AGO4: variants seen among roughly 807,000 people sequenced by gnomAD.
AGO4 encodes the protein argonaute RISC component 4.
In AGO4, 33 loss-of-function variants were observed where a neutral mutation model predicts 104.7. The ratio of observed to expected loss-of-function variants is 0.32; its 90% CI spans 0.24 to 0.42. AGO4 has a LOEUF of 0.42. Among genes scored for constraint, AGO4 ranks in the 10% least tolerant of loss-of-function variants. The pLI, the probability that AGO4 is intolerant of heterozygous loss-of-function variation, is 1.00. For missense variants in AGO4, 711 were observed against 1,083.4 expected (o/e 0.66, Z 4.83); for synonymous variants, 331 against 364.7 (o/e 0.91, Z 1.05).
In AGO4 at chr1:35,831,424, T is replaced by C; in HGVS notation, c.849-3T>C. The C allele has an allele frequency of 6.2e-7, 1 of 1,600,072 alleles. No homozygotes were observed. The highest frequency in any genetic ancestry group is 8.5e-7 in the Non-Finnish European group (1 of 1,176,436). On this transcript the variant is annotated splice_polypyrimidine_tract_variant and splice_region_variant and intron_variant, in intron 7 of 17. Coordinates refer to ENST00000373210, the MANE Select transcript of AGO4 (RefSeq NM_017629.4). ...ATTCTAAAAAAGACATTCTCTCCTA[T>C]AGTTTTCCTTTGCAGCTAGAAAACG...
At chr1:35,825,561 A>G in intron 4 of AGO4, 67 bp downstream of exon 4, 1 of 1,553,874 alleles carries the variant, frequency 6.4e-7, no homozygotes, top group Non-Finnish European at 8.7e-7. Context: ...TACTGGAGCC[A>G]TTGAAAAATT....
chr1:35,847,080 C>T (rs2148684766), intron 15 of AGO4, among the ~76,000 whole-genome samples: 1 of 150,122 alleles, frequency 6.7e-6, no homozygotes, highest in Admixed American at 6.6e-5. Context: ...TGTTTTAAAA[C>T]AGGGGTGTCC....
chr1:35,808,550 G>A lies in AGO4; in HGVS notation c.19+115G>A. 1 of 952,354 alleles carries A rather than the reference G, an allele frequency of 1.1e-6. No homozygotes were observed. The highest frequency in any genetic ancestry group is 1.3e-6 in the Non-Finnish European group (1 of 765,724). The allele number at this position is 952,354 out of a possible 1,614,324, so 59.0% of individuals were successfully genotyped here. On this transcript the variant is annotated intron_variant, in intron 1 of 17. Transcript: ENST00000373210. This position sits in a 1 kb window ranked among gnomAD's most constrained non-coding sequence, Gnocchi z 5.2. Reference sequence around the variant, plus strand: ...GTTCGGGCCGCCAGGCCTCGGGGAAGGGGACCCGAGCCCCGCAGCACGAAG... The same window carrying A: ...GTTCGGGCCGCCAGGCCTCGGGGAAAGGGACCCGAGCCCCGCAGCACGAAG...
chr1:35,848,249 G>A (rs1644619549), intron 15 of AGO4, among the ~76,000 whole-genome samples: 2 of 152,162 alleles, frequency 1.3e-5, no homozygotes, highest in Admixed American at 6.5e-5. Flanking sequence ...TTTATTGTGA[G>A]TGGTATTTCA....
At chr1:35,831,206 A>T (rs1024018593) in intron 7 of AGO4, among the ~76,000 whole-genome samples, 1 of 152,028 alleles carries the variant, frequency 6.6e-6, no homozygotes, top group East Asian at 1.9e-4. Flanking sequence ...TACTAAAAAT[A>T]CAAAAATTAG....
At chr1:35,842,450 C>G (rs1488364296) in intron 15 of AGO4, among the ~76,000 whole-genome samples, 1 of 152,206 alleles carries the variant, frequency 6.6e-6, no homozygotes, top group Non-Finnish European at 1.5e-5. Context: ...GCACTTAAAC[C>G]ACAGTCAAAT....
At chr1:35,815,338 C>G (rs988335840) in intron 1 of AGO4, among the ~76,000 whole-genome samples, 3 of 152,132 alleles carry the variant, frequency 2.0e-5, no homozygotes, top group Non-Finnish European at 4.4e-5. Context: ...TTTTTTAGGC[C>G]AGTATCCACT....
At chr1:35,853,055 C>T (rs1644740488) in intron 17 of AGO4, among the ~76,000 whole-genome samples, 1 of 152,044 alleles carries the variant, frequency 6.6e-6, no homozygotes, top group Admixed American at 6.5e-5. Flanking sequence ...TCGAGACCAT[C>T]CTGGCTAACA....
chr1:35,845,048 A>G (rs1399132564), intron 15 of AGO4, among the ~76,000 whole-genome samples: 1 of 151,572 alleles, frequency 6.6e-6, no homozygotes, highest in Non-Finnish European at 1.5e-5. Context: ...ACTTAAGACA[A>G]TGATTGCCTT....
At position 35,841,334 on chromosome 1, in the gene AGO4, C is replaced by T. The variant is rs769010091; in HGVS notation, c.1894C>T (p.Gln632Ter). The T allele has an allele frequency of 1.2e-6, 2 of 1,614,164 alleles. No homozygotes were observed. Among genetic ancestry groups the T allele is most frequent in the Non-Finnish European group, 8.5e-7 (1 of 1,180,028 alleles). ...GCAGACTTCCCGGCAGGAGATCTCC[C>T]AAGAGCTCCTCTACAGTCAAGAGGT... ...RVQTSRQEIS[Q>*]ELLYSQEVIQ... Residue 632 changes from glutamine to a stop codon, truncating the protein, a stop_gained, in exon 14 of 18, where the codon CAA (glutamine) becomes TAA (stop). Transcript: ENST00000373210. LOFTEE classifies it high-confidence loss of function. This position sits in a 1 kb window ranked among gnomAD's most constrained non-coding sequence, Gnocchi z 4.7.
chr1:35,816,659 C>G (rs1237608802), intron 1 of AGO4, among the ~76,000 whole-genome samples: 1 of 151,876 alleles, frequency 6.6e-6, no homozygotes, highest in Admixed American at 6.6e-5. Flanking sequence ...ATTAGCCAGG[C>G]CTGGTGGCAG....
At position 35,831,940 on chromosome 1, in the gene AGO4, G is replaced by T; in HGVS notation, c.1116+9G>T. On this transcript the variant is annotated intron_variant, in intron 9 of 17. Coordinates refer to ENST00000373210, the MANE Select transcript of AGO4 (RefSeq NM_017629.4). Reference sequence around the variant, plus strand: ...AAGAGATCAGTAGACTGGTCAGTAAGGCATGGTCTTCAAGATGAGCTAGCT... The same window carrying T: ...AAGAGATCAGTAGACTGGTCAGTAATGCATGGTCTTCAAGATGAGCTAGCT... 1 of 1,612,990 alleles carries T rather than the reference G, an allele frequency of 6.2e-7. No homozygotes were observed. The highest frequency in any genetic ancestry group is 1.1e-5 in the South Asian group (1 of 90,808).
rs1027005412 is a variant in AGO4, at chr1:35,838,209, T to C, written c.1724+2216T>C. On this transcript the variant is annotated intron_variant, in intron 13 of 17. Transcript: ENST00000373210. ...CTGGAATTACAGGCTCATGCCACCA[T>C]ACTCGGCTAATTTTTGTATTTTTAG... is the stretch of plus-strand genomic sequence containing the variant. Among the ~76,000 whole-genome samples, 124 of 152,222 alleles carry C rather than the reference T, an allele frequency of 8.1e-4. 1 individual carries two copies. Among genetic ancestry groups the C allele is most frequent in the African/African-American group, 2.9e-3 (122 of 41,534 alleles).
At chr1:35,821,063 T>G (rs1460636317) in intron 2 of AGO4, among the ~76,000 whole-genome samples, 2 of 152,216 alleles carry the variant, frequency 1.3e-5, no homozygotes, top group Non-Finnish European at 2.9e-5. Flanking sequence ...TGAATTTTTC[T>G]TTTTTCTTTT....
chr1:35,833,009 A>G (rs550009027), intron 11 of AGO4, among the ~76,000 whole-genome samples: 1 of 152,308 alleles, frequency 6.6e-6, no homozygotes, highest in African/African-American at 2.4e-5. Context: ...GGCCAGGCTC[A>G]GTGGCTCACA....
At chr1:35,850,708 G>A (rs554474524) in intron 16 of AGO4, 146 bp from the exon 17 acceptor site, 14 of 671,110 alleles carry the variant, frequency 2.1e-5, no homozygotes, top group East Asian at 1.4e-4. Context: ...TTGAAGTCCA[G>A]AGGCGGGGGT....
chr1:35,849,181 T>G (rs1214550085), intron 15 of AGO4, among the ~76,000 whole-genome samples: 1 of 152,168 alleles, frequency 6.6e-6, no homozygotes, highest in Non-Finnish European at 1.5e-5. Context: ...AAATTTTGTC[T>G]GTAGAGTTTT....
chr1:35,811,074 G>A (rs562769213), intron 1 of AGO4, among the ~76,000 whole-genome samples: 3 of 152,136 alleles, frequency 2.0e-5, no homozygotes, highest in Admixed American at 1.3e-4. Flanking sequence ...GATGGCTTGA[G>A]CCTGCGAGGC....
intron 2 of AGO4, 26 bp downstream of exon 2, chr1:35,817,073 T>A (rs758914512): frequency 6.4e-7 from 1 of 1,568,496 alleles, no homozygotes; most frequent in Non-Finnish European, 8.7e-7. Context: ...AGTGGATTTC[T>A]GTATATTTAA....
Sources: gnomAD v4.1 joint callset for allele counts (sites outside exome capture counted in the v4.1 genomes callset) on GRCh38, gnomAD v4.1.1 for gene constraint, Gnocchi (gnomAD v3.1) non-coding constraint, MANE v1.5 for transcripts, NCBI Gene and HGNC (gene_info 2026-07-23, HGNC 2026-07-21) for gene names.